MRM1: variants seen among roughly 807,000 people sequenced by gnomAD.
The protein encoded by MRM1 is rRNA methyltransferase 1, mitochondrial.
A neutral mutation model predicts 25.0 loss-of-function variants in MRM1; 24 were observed. That is an observed-to-expected ratio of 0.96 (90% CI 0.69 to 1.35). MRM1 has a LOEUF of 1.35. Among genes scored for constraint, MRM1 ranks in the 40% most tolerant of loss-of-function variants. The probability of loss-of-function intolerance (pLI) is 0.00; values close to 1 mark genes in which losing one functional copy is unlikely to be tolerated. For synonymous variants in MRM1, 188 were observed against 199.2 expected, an observed-to-expected ratio of 0.94 and a Z score of 0.47; for missense variants, 431 against 464.1, an observed-to-expected ratio of 0.93 and a Z score of 0.65.
At chr17:36,603,779 C>G (rs571712213) in intron 2 of MRM1, among the ~76,000 whole-genome samples, 15 of 152,248 alleles carry the variant, frequency 9.9e-5, no homozygotes, top group Non-Finnish European at 1.8e-4. Flanking sequence ...TTGAATTAGC[C>G]ACCTTTCAAT....
the MRM1 span, among the ~76,000 whole-genome samples, chr17:36,619,683 C>T: frequency 1.1e-3 from 170 of 151,580 alleles, 2 homozygotes; most frequent in East Asian, 0.018. Flanking sequence ...AAAAAAAAGA[C>T]GCTGCCTTCA....
rs201847552 is a variant in MRM1, at chr17:36,601,804, C to T, written c.-7C>T. The stretch of plus-strand genomic sequence containing the variant: ...AGGGGCATCGAGTCCCTGGCGGGAG[C>T]TGCGCCATGGCATTGCTCTCGACCG... On this transcript the variant is annotated 5_prime_UTR_variant, in exon 1 of 5. Coordinates refer to ENST00000614766, the MANE Select transcript of MRM1 (RefSeq NM_024864.5). The T allele has an allele frequency of 8.3e-5, 127 of 1,529,214 alleles. No homozygotes were observed. The highest frequency in any genetic ancestry group is 1.0e-4 in the Non-Finnish European group (116 of 1,140,300). 94.7% of individuals were successfully genotyped at this position (1,529,214 alleles called of 1,614,324 possible). A position where few individuals can be genotyped will look rare whatever the true frequency, so the allele number is the denominator to read the frequency against.
downstream of MRM1, among the ~76,000 whole-genome samples, chr17:36,611,857 C>T (rs2074978340): frequency 6.6e-6 from 1 of 152,186 alleles, no homozygotes; most frequent in Non-Finnish European, 1.5e-5. Context: ...ATCAGCTCTC[C>T]TGGGCGTCCA....
At position 36,602,871 on chromosome 17, in the gene MRM1, A is replaced by T; in HGVS notation, c.636+225A>T. 1.1e-6 allele frequency: 1 copy of T among 917,180 alleles called. No individual in the cohort carries two copies. The highest frequency in any genetic ancestry group is 1.3e-6 in the Non-Finnish European group (1 of 767,812). The allele number at this position is 917,180 out of a possible 1,614,324, so 56.8% of individuals were successfully genotyped here. On this transcript the variant is annotated intron_variant, in intron 2 of 4. Coordinates refer to ENST00000614766, the MANE Select transcript of MRM1 (RefSeq NM_024864.5). This position sits in a 1 kb window ranked among gnomAD's most constrained non-coding sequence, Gnocchi z 4.1. ...ATACCCTTTCCTGCACCCCTTCCCC[A>T]GGTATGCACCACTTTGCCTCTTCTG...
chr17:36,607,742 G>T lies in MRM1; in HGVS notation c.709G>T (p.Glu237Ter), dbSNP rs201130891. 6.2e-7 allele frequency: 1 copy of T among 1,614,160 alleles called. No homozygotes were observed. Among genetic ancestry groups the T allele is most frequent in the Admixed American group, 1.7e-5 (1 of 60,034 alleles). Residue 237 changes from glutamate (E) to a stop codon, truncating the protein, a stop_gained, in exon 3 of 5, where the codon GAG (glutamate) becomes TAG (stop). Transcript: ENST00000614766. LOFTEE classifies it high-confidence loss of function. ...AAGCACAGAGGATCCCCAGTCCTCC[G>T]AGATCCCCATCATGAGTTGCTTGGA... ...CPSTEDPQSS[E>*]IPIMSCLEFL...
chr17:36,606,902 C>G (rs61080523), intron 2 of MRM1, among the ~76,000 whole-genome samples: 1 of 145,612 alleles, frequency 6.9e-6, no homozygotes, highest in South Asian at 2.2e-4. Context: ...TGAGCTACTG[C>G]GCCTGGTTTT....
the MRM1 span, among the ~76,000 whole-genome samples, chr17:36,623,646 T>C: frequency 6.6e-6 from 1 of 152,200 alleles, no homozygotes; most frequent in Non-Finnish European, 1.5e-5. Flanking sequence ...CCAGCTCCTA[T>C]GCTGGGACCC....
At chr17:36,607,077 G>T (rs1244342392) in intron 2 of MRM1, among the ~76,000 whole-genome samples, 1 of 151,592 alleles carries the variant, frequency 6.6e-6, no homozygotes, top group African/African-American at 2.4e-5. Flanking sequence ...ACCATGCCCG[G>T]CTAATTTTGT....
intron 2 of MRM1, among the ~76,000 whole-genome samples, chr17:36,604,483 G>C (rs2074909871): frequency 6.6e-6 from 1 of 152,198 alleles, no homozygotes; most frequent in South Asian, 2.1e-4. Flanking sequence ...CCAGATTTTA[G>C]TCCTCGGATC....
the MRM1 span, among the ~76,000 whole-genome samples, chr17:36,626,373 G>A: frequency 6.6e-6 from 1 of 151,986 alleles, no homozygotes; most frequent in Admixed American, 6.6e-5. Flanking sequence ...GGCTTTTTTT[G>A]TTTGTTTTGA....
In MRM1 at chr17:36,601,981, G is replaced by C. The variant is rs758531430; in HGVS notation, c.171G>C (p.Pro57=). The C allele has an allele frequency of 2.8e-5, 45 of 1,611,966 alleles. No homozygotes were observed. Among genetic ancestry groups the C allele is most frequent in the Non-Finnish European group, 3.5e-5 (41 of 1,179,648 alleles). ...SRLELLFGMT[P]CLLALQAARR... ...TGGAGCTTCTGTTTGGCATGACCCC[G>C]TGTCTCCTGGCTCTGCAGGCCGCCC... The change falls in exon 1 of 5, where the codon CCG becomes CCC. Residue 57 remains proline, a synonymous_variant. Transcript: ENST00000614766.
chr17:36,601,937 C>T lies in MRM1; in HGVS notation c.127C>T (p.Leu43=), dbSNP rs1222594346. 1.9e-6 allele frequency: 3 copies of T among 1,613,012 alleles called. No individual in the cohort carries two copies. The highest frequency in any genetic ancestry group is 1.3e-5 in the African/African-American group (1 of 74,924). ...GCTAAGCCGCTTGCTGCTGGATGAC[C>T]TGGTGCCGACCTCTCGGCTGGAGCT... ...EELSRLLLDD[L]VPTSRLELLF... is the part of the protein sequence containing the mutation. Residue 43 remains leucine (L), a synonymous_variant, in exon 1 of 5, where the codon CTG becomes TTG. Transcript: ENST00000614766.
rs202059374 is a variant in MRM1, at chr17:36,602,653, A to C, written c.636+7A>C. Reference sequence around the variant, plus strand: ...CCTCACCGGATTTTTACAGGTAATGAGGGGCAAGAGGGGAAGGAACAGATG... The same window carrying C: ...CCTCACCGGATTTTTACAGGTAATGCGGGGCAAGAGGGGAAGGAACAGATG... On this transcript the variant is annotated splice_region_variant and intron_variant, in intron 2 of 4. Transcript: ENST00000614766. The surrounding 1 kb of genome is among the most constrained non-coding windows in gnomAD (Gnocchi z 4.1). 4.9e-4 allele frequency: 792 copies of C among 1,613,780 alleles called. 3 individuals carry two copies. Among genetic ancestry groups the C allele is most frequent in the Middle Eastern group, 1.5e-3 (9 of 6,062 alleles).
At chr17:36,617,812 C>T in the MRM1 span, among the ~76,000 whole-genome samples, 14 of 152,096 alleles carry the variant, frequency 9.2e-5, no homozygotes, top group Non-Finnish European at 1.3e-4. Flanking sequence ...CCTCTGGTTT[C>T]TGATGAGCTC....
chr17:36,602,018 G>T lies in MRM1; in HGVS notation c.208G>T (p.Ala70Ser), dbSNP rs752917975. The T allele has an allele frequency of 6.2e-7, 1 of 1,611,290 alleles. No individual in the cohort carries two copies. Among genetic ancestry groups the T allele is most frequent in the South Asian group, 1.1e-5 (1 of 90,988 alleles). The change falls in exon 1 of 5, where the codon GCC (alanine) becomes TCC (serine). Residue 70 changes from alanine to serine, a missense_variant. Transcript: ENST00000614766. The surrounding 1 kb of genome is among the most constrained non-coding windows in gnomAD (Gnocchi z 4.1). ...TCTGCAGGCCGCCCGCCGCTCTGTG[G>T]CCCGGCTCCTGCTCCAGGCGGGTAA... is the stretch of plus-strand genomic sequence containing the variant. The part of the protein sequence containing the change: ...LALQAARRSV[A>S]RLLLQAGKAG...
chr17:36,621,612 C>T, the MRM1 span, among the ~76,000 whole-genome samples: 1 of 152,212 alleles, frequency 6.6e-6, no homozygotes, highest in Non-Finnish European at 1.5e-5. Context: ...AATCAAATCT[C>T]ATTAAAGGCC....
At chr17:36,625,425 TCC>T in the MRM1 span, among the ~76,000 whole-genome samples, 3 of 146,168 alleles carry the variant, frequency 2.1e-5, no homozygotes, top group Non-Finnish European at 4.5e-5. Context: ...CTCCTCCTCC[TCC>T]TCCTTCTCCT....
downstream of MRM1, among the ~76,000 whole-genome samples, chr17:36,610,521 T>C (rs1599587392): frequency 6.6e-6 from 1 of 151,870 alleles, no homozygotes; most frequent in Non-Finnish European, 1.5e-5. Flanking sequence ...CGTGAGCCAC[T>C]GCGCCCGGCC....
the MRM1 span, among the ~76,000 whole-genome samples, chr17:36,615,335 T>C: frequency 6.6e-6 from 1 of 152,158 alleles, no homozygotes; most frequent in Non-Finnish European, 1.5e-5. Context: ...TGAGAAGCAG[T>C]ACCTTTGTGG....
Sources: gnomAD v4.1 joint callset for allele counts (sites outside exome capture counted in the v4.1 genomes callset) on GRCh38, gnomAD v4.1.1 for gene constraint, Gnocchi (gnomAD v3.1) non-coding constraint, MANE v1.5 for transcripts, NCBI Gene and HGNC (gene_info 2026-07-23, HGNC 2026-07-21) for gene names.